The following ARG2 variants were observed in gnomAD, a reference collection of about 807,000 sequenced individuals.
The protein encoded by ARG2 is arginase-2, mitochondrial.
Under a neutral mutation model 39.4 loss-of-function variants are expected in ARG2, and 21 were observed. That is an observed-to-expected ratio of 0.53 (90% CI 0.38 to 0.77). ARG2 has a LOEUF of 0.77. Among genes scored for constraint, ARG2 ranks in the 30% least tolerant of loss-of-function variants. The pLI is 0.00. For missense variants in ARG2, 378 were observed against 426.2 expected (o/e 0.89, Z 1.00); for synonymous variants, 150 against 156.7 (o/e 0.96, Z 0.32).
Position 67,643,170 on chromosome 14 carries a change from C to G in ARG2, c.362+807C>G, listed in dbSNP as rs2037055463. 5.3e-5 allele frequency among the ~76,000 whole-genome samples: 8 copies of G among 152,208 alleles called. No homozygotes were observed. The South Asian group carries it at 1.7e-3, about 31-fold the overall frequency. On this transcript the variant is annotated intron_variant, in intron 3 of 7. Coordinates refer to ENST00000261783, the MANE Select transcript of ARG2 (RefSeq NM_001172.4). ...CATGCAATCAGTCCTTTGATCCTGT[C>G]TCCTCCTGAATCAGCATGTACTTTA...
At chr14:67,647,989 T>TC in intron 6 of ARG2, 58 bp from the exon 7 acceptor site, 2 of 1,496,248 alleles carry the variant, frequency 1.3e-6, no homozygotes, top group Non-Finnish European at 1.8e-6. Context: ...AGGATGAGTG[T>TC]CCAAGGACAA....
chr14:67,625,342 G>C (rs564672241), intron 2 of ARG2, among the ~76,000 whole-genome samples: 1 of 152,152 alleles, frequency 6.6e-6, no homozygotes, highest in East Asian at 1.9e-4. Flanking sequence ...AATTAAACTT[G>C]ACTTAGCTAA....
intron 2 of ARG2, among the ~76,000 whole-genome samples, chr14:67,639,381 G>A (rs750612205): frequency 2.6e-5 from 4 of 152,068 alleles, no homozygotes; most frequent in Non-Finnish European, 5.9e-5. Flanking sequence ...GTTCTGAAAC[G>A]TTAGTTAATA....
chr14:67,639,924 C>CAAAAA (rs5809358), intron 2 of ARG2, among the ~76,000 whole-genome samples: 6 of 61,830 alleles, frequency 9.7e-5, no homozygotes, highest in East Asian at 4.2e-4. Context: ...GACCCTGTCT[C>CAAAAA]AAAAAAAAAA....
chr14:67,639,917 CCT>C (rs1314266262), intron 2 of ARG2, among the ~76,000 whole-genome samples: 11 of 131,914 alleles, frequency 8.3e-5, no homozygotes, highest in East Asian at 4.8e-4. Flanking sequence ...AGCGCAAGAC[CCT>C]GTCTCAAAAA....
intron 2 of ARG2, among the ~76,000 whole-genome samples, chr14:67,637,813 C>T (rs1433914951): frequency 3.9e-5 from 6 of 152,224 alleles, no homozygotes; most frequent in Non-Finnish European, 7.3e-5. Context: ...AAAGTACTCA[C>T]GGTGGCATAC....
intron 2 of ARG2, among the ~76,000 whole-genome samples, chr14:67,633,902 C>T (rs1048422635): frequency 2.0e-5 from 3 of 152,170 alleles, no homozygotes; most frequent in Non-Finnish European, 4.4e-5. Context: ...AGAAGTTCTC[C>T]TGACCCTTCT....
chr14:67,631,737 C>T (rs1015618619), intron 2 of ARG2, among the ~76,000 whole-genome samples: 1 of 152,010 alleles, frequency 6.6e-6, no homozygotes, highest in Non-Finnish European at 1.5e-5. Flanking sequence ...TGGCCTACAT[C>T]CTCTTTTTCT....
chr14:67,634,665 T>A (rs1159851569), intron 2 of ARG2, among the ~76,000 whole-genome samples: 1 of 152,130 alleles, frequency 6.6e-6, no homozygotes, highest in Non-Finnish European at 1.5e-5. Flanking sequence ...AATACATTTT[T>A]AAACCAGGAC....
At chr14:67,630,385 C>A (rs1207433353) in intron 2 of ARG2, among the ~76,000 whole-genome samples, 1 of 152,124 alleles carries the variant, frequency 6.6e-6, no homozygotes, top group Non-Finnish European at 1.5e-5. Context: ...ACTGGCAAGG[C>A]CTCTGCCTAA....
chr14:67,641,647 T>G (rs1322763050), intron 2 of ARG2, among the ~76,000 whole-genome samples: 1 of 152,176 alleles, frequency 6.6e-6, no homozygotes, highest in Admixed American at 6.5e-5. Context: ...GTTTATAATA[T>G]GTGAATTTCT....
In ARG2 at chr14:67,623,670, T is replaced by C. The variant is rs191295922; in HGVS notation, c.184+2704T>C. 5.2e-4 allele frequency among the ~76,000 whole-genome samples: 79 copies of C among 150,926 alleles called. 1 individual carries two copies. Among genetic ancestry groups the C allele is most frequent in the Admixed American group, 5.1e-3 (76 of 14,884 alleles). ...AATTCTCCTGCCTCAACCTCCAAAG[T>C]AGCTGGGATTACAGGTGCCTGCCAC... On this transcript the variant is annotated intron_variant, in intron 2 of 7. Transcript: ENST00000261783.
In ARG2 at chr14:67,651,202, T is replaced by C. The variant is rs2037170921; in HGVS notation, c.*282T>C. The C allele has an allele frequency of 8.3e-7, 1 of 1,205,446 alleles. No homozygotes were observed. The highest frequency in any genetic ancestry group is 2.7e-5 in the Admixed American group (1 of 37,032). The allele number at this position is 1,205,446 out of a possible 1,614,324, so 74.7% of individuals were successfully genotyped here. A position where few individuals can be genotyped will look rare whatever the true frequency, so the allele number is the denominator to read the frequency against. On this transcript the variant is annotated 3_prime_UTR_variant, in exon 8 of 8. Transcript: ENST00000261783. ...ACCTTGGTATATCATACTGGTCTTG[T>C]TGCTGTTGTTCCTTCACATTTAAGT...
At position 67,629,810 on chromosome 14, in the gene ARG2, G is replaced by A. The variant is rs185542376; in HGVS notation, c.184+8844G>A. 1.8e-3 allele frequency among the ~76,000 whole-genome samples: 277 copies of A among 152,302 alleles called. 2 individuals are homozygous for A. The highest frequency in any genetic ancestry group is 4.8e-3 in the Admixed American group (74 of 15,300). On this transcript the variant is annotated intron_variant, in intron 2 of 7. Transcript: ENST00000261783. ...AAGTGAAACATTCCCAAGGACTTGC[G>A]TTAGTGAAGACTACACAGAAAACCT...
chr14:67,643,485 T>C (rs1194065760), intron 3 of ARG2, among the ~76,000 whole-genome samples: 1 of 152,188 alleles, frequency 6.6e-6, no homozygotes, highest in Non-Finnish European at 1.5e-5. Flanking sequence ...GTGGTAGATA[T>C]GGTTTTATCA....
At chr14:67,640,619 A>G (rs1254390353) in intron 2 of ARG2, among the ~76,000 whole-genome samples, 1 of 152,230 alleles carries the variant, frequency 6.6e-6, no homozygotes, top group East Asian at 1.9e-4. Context: ...TGCAAATATT[A>G]AGATACGCCA....
intron 2 of ARG2, among the ~76,000 whole-genome samples, chr14:67,638,798 T>TCAGACC (rs1334438761): frequency 1.3e-5 from 2 of 152,230 alleles, no homozygotes; most frequent in Non-Finnish European, 2.9e-5. Flanking sequence ...CATCAGGCTT[T>TCAGACC]CAGACCCAGA....
intron 2 of ARG2, among the ~76,000 whole-genome samples, chr14:67,637,114 A>C (rs1035164909): frequency 1.3e-5 from 2 of 152,216 alleles, no homozygotes; most frequent in African/African-American, 4.8e-5. Flanking sequence ...ACTCTGATAA[A>C]GAAATAGCTT....
intron 2 of ARG2, among the ~76,000 whole-genome samples, chr14:67,632,977 C>G (rs974296098): frequency 6.6e-6 from 1 of 151,606 alleles, no homozygotes; most frequent in Admixed American, 6.6e-5. Context: ...CCCGCCACCA[C>G]GCCCGGCTAA....
Sources: gnomAD v4.1 joint callset for allele counts (sites outside exome capture counted in the v4.1 genomes callset) on GRCh38, gnomAD v4.1.1 for gene constraint, MANE v1.5 for transcripts, NCBI Gene and HGNC (gene_info 2026-07-23, HGNC 2026-07-21) for gene names.